Variants in NALCN observed in about 807,000 individuals in gnomAD.
NALCN encodes sodium leak channel, non-selective.
NALCN carries 111 observed loss-of-function variants against 225.3 expected under a neutral mutation model. That is an observed-to-expected ratio of 0.49 (90% confidence interval 0.42 to 0.58). The LOEUF is 0.58. Among genes scored for constraint, NALCN ranks in the 20% least tolerant of loss-of-function variants. The probability of loss-of-function intolerance (pLI) is 0.00; values close to 1 mark genes in which losing one functional copy is unlikely to be tolerated. For synonymous variants in NALCN, 764 were observed against 769.0 expected (o/e 0.99, Z 0.11); for missense variants, 1,378 against 2,202.4 (o/e 0.63, Z 7.49).
At chr13:101,299,458 T>G (rs2043874261) in intron 7 of NALCN, among the ~76,000 whole-genome samples, 1 of 151,774 alleles carries the variant, frequency 6.6e-6, no homozygotes. Context: ...TTGTTTGTTT[T>G]TGGGTAAGCT....
chr13:101,395,962 T>C (rs1386462208), intron 2 of NALCN, among the ~76,000 whole-genome samples: 2 of 152,190 alleles, frequency 1.3e-5, no homozygotes, highest in East Asian at 3.8e-4. Flanking sequence ...ATAATGCCTT[T>C]GTATAAAAAT....
At chr13:101,247,829 G>A (rs757302204) in intron 11 of NALCN, among the ~76,000 whole-genome samples, 3 of 152,016 alleles carry the variant, frequency 2.0e-5, no homozygotes, top group Non-Finnish European at 4.4e-5. Context: ...ATAGGCCCCA[G>A]TGTGTGTTGT....
intron 7 of NALCN, among the ~76,000 whole-genome samples, chr13:101,309,845 C>A (rs1331271450): frequency 6.6e-6 from 1 of 152,150 alleles, no homozygotes; most frequent in African/African-American, 2.4e-5. Flanking sequence ...TGAAAAAATT[C>A]TACCAGCTAT....
At chr13:101,388,830 C>T (rs1034076277) in intron 3 of NALCN, among the ~76,000 whole-genome samples, 3 of 152,330 alleles carry the variant, frequency 2.0e-5, no homozygotes, top group East Asian at 1.9e-4. Context: ...ATGGCAATTT[C>T]AATCATAAAA....
At chr13:101,177,320 T>C (rs2038996402) in intron 14 of NALCN, among the ~76,000 whole-genome samples, 2 of 151,900 alleles carry the variant, frequency 1.3e-5, no homozygotes, top group African/African-American at 4.8e-5. Context: ...AGGCTTCTAA[T>C]GTGTGGGTAA....
At chr13:101,142,138 C>CTTTTTTTTTTTT (rs33925974) in intron 17 of NALCN, among the ~76,000 whole-genome samples, 9 of 97,024 alleles carry the variant, frequency 9.3e-5, no homozygotes, top group African/African-American at 1.7e-4. Flanking sequence ...CATTCTATGT[C>CTTTTTTTTTTTT]TTTTTTTTTT....
intron 9 of NALCN, among the ~76,000 whole-genome samples, chr13:101,286,868 C>T (rs2043356989): frequency 1.2e-5 from 1 of 83,026 alleles, no homozygotes; most frequent in Admixed American, 1.1e-4. Context: ...GTATTATACA[C>T]ACACACACAC....
At chr13:101,115,311 T>C (rs1283585737) in intron 18 of NALCN, among the ~76,000 whole-genome samples, 1 of 152,082 alleles carries the variant, frequency 6.6e-6, no homozygotes, top group Non-Finnish European at 1.5e-5. Context: ...CATCTTTCTC[T>C]ATGTTGTATG....
At chr13:101,199,332 A>G (rs2040018009) in intron 13 of NALCN, among the ~76,000 whole-genome samples, 1 of 151,856 alleles carries the variant, frequency 6.6e-6, no homozygotes, top group Non-Finnish European at 1.5e-5. Flanking sequence ...TCATGCTGCT[A>G]TAAAGACACA....
At position 101,100,153 on chromosome 13, in the gene NALCN, T is replaced by C. The variant is rs370930884; in HGVS notation, c.3162+631A>G. 3.9e-5 allele frequency among the ~76,000 whole-genome samples: 6 copies of C among 152,152 alleles called. No homozygotes were observed. In the East Asian group the frequency reaches 9.6e-4, roughly 24 times the overall value. ...AGCTAATGTAAAGGCACTGGCTTTC[T>C]AATGGGGAGAAAGCTGAGAGTGGGG... On this transcript the variant is annotated intron_variant, in intron 27 of 43. Coordinates refer to ENST00000251127, the MANE Select transcript of NALCN (RefSeq NM_052867.4).
intron 7 of NALCN, among the ~76,000 whole-genome samples, chr13:101,325,229 A>G (rs2044902157): frequency 6.6e-6 from 1 of 152,238 alleles, no homozygotes; most frequent in Non-Finnish European, 1.5e-5. Flanking sequence ...GTGTATAAAC[A>G]GAGATGACCA....
At chr13:101,221,862 C>T (rs973018053) in intron 13 of NALCN, among the ~76,000 whole-genome samples, 3 of 152,138 alleles carry the variant, frequency 2.0e-5, no homozygotes, top group South Asian at 2.1e-4. Flanking sequence ...ACTTTCCTTC[C>T]TTGGATTAGT....
At chr13:101,376,596 T>A in intron 6 of NALCN, 104 bp downstream of exon 6, 3 of 1,183,170 alleles carry the variant, frequency 2.5e-6, no homozygotes, top group Non-Finnish European at 3.6e-6. Context: ...AAAGAGGACA[T>A]AAGCACTGTT....
At chr13:101,067,230 G>A (rs1265573113) in intron 39 of NALCN, among the ~76,000 whole-genome samples, 1 of 141,588 alleles carries the variant, frequency 7.1e-6, no homozygotes, top group Non-Finnish European at 1.5e-5. Flanking sequence ...GGGTAGAGGA[G>A]GAGGAGGTAG....
At position 101,076,074 on chromosome 13, in the gene NALCN, TAAA is replaced by T. The variant is rs1416490826; in HGVS notation, c.3886-136_3886-134del. 6.7e-6 allele frequency: 4 copies of T among 596,414 alleles called. No individual in the cohort carries two copies. The African/African-American group carries it at 7.7e-5, about 12-fold the overall frequency. 36.9% of individuals were successfully genotyped at this position (596,414 alleles called of 1,614,324 possible). ...TGTAAATTATTATAAGAAAGTGATCTAAAAAAGGTGCTGAAAAGGTCACTGCAA... is the reference window on the plus strand; with the variant it reads ...TGTAAATTATTATAAGAAAGTGATCTAAAGGTGCTGAAAAGGTCACTGCAA... On this transcript the variant is annotated intron_variant, in intron 34 of 43. Coordinates refer to ENST00000251127, the MANE Select transcript of NALCN (RefSeq NM_052867.4).
chr13:101,086,440 A>T (rs2033935921), intron 30 of NALCN, among the ~76,000 whole-genome samples: 1 of 151,934 alleles, frequency 6.6e-6, no homozygotes, highest in African/African-American at 2.4e-5. Context: ...CAACTCATAA[A>T]TTATTTATAG....
intron 7 of NALCN, among the ~76,000 whole-genome samples, chr13:101,322,820 C>A (rs1336964388): frequency 6.6e-6 from 1 of 152,066 alleles, no homozygotes; most frequent in Non-Finnish European, 1.5e-5. Context: ...TCAAACAATT[C>A]TCCTACCTCA....
At chr13:101,068,233 A>C (rs990824213) in intron 38 of NALCN, among the ~76,000 whole-genome samples, 200 bp from the exon 39 acceptor site, 1 of 152,178 alleles carries the variant, frequency 6.6e-6, no homozygotes, top group Non-Finnish European at 1.5e-5. Context: ...CCTTTCCAAA[A>C]CATGAGGGTC....
intron 1 of NALCN, among the ~76,000 whole-genome samples, chr13:101,402,024 G>A (rs988332582): frequency 2.0e-5 from 3 of 152,140 alleles, no homozygotes; most frequent in Non-Finnish European, 4.4e-5. Flanking sequence ...CAATAAAACT[G>A]CATACAGCAG....
Sources: allele counts gnomAD v4.1 joint callset (sites outside exome capture counted in the v4.1 genomes callset), GRCh38; gene constraint gnomAD v4.1.1; transcripts MANE v1.5; gene names NCBI Gene and HGNC (gene_info 2026-07-23, HGNC 2026-07-21).